The following NEBL variants were observed in gnomAD, a reference collection of about 807,000 sequenced individuals.
The protein encoded by NEBL is nebulette, also known as LIM and SH3 protein 2.
A neutral mutation model predicts 140.2 loss-of-function variants in NEBL; 122 were observed. That is an observed-to-expected ratio of 0.87 (90% CI 0.75 to 1.01). The LOEUF (loss-of-function observed/expected upper bound fraction) is 1.01. Ranked by LOEUF, NEBL falls within the 50% of genes least tolerant of loss-of-function variation. The probability of loss-of-function intolerance (pLI) is 0.00; values close to 1 mark genes in which losing one functional copy is unlikely to be tolerated. For missense variants in NEBL, 1,365 were observed against 1,231.3 expected (o/e 1.11, Z -1.62); for synonymous variants, 436 against 398.9 (o/e 1.09, Z -1.11).
chr10:21,134,498 C>A (rs923975756), intron 2 of NEBL, among the ~76,000 whole-genome samples: 8 of 152,150 alleles, frequency 5.3e-5, no homozygotes, highest in Non-Finnish European at 1.5e-5. Context: ...TTTTAGAAGA[C>A]ACTATTCAAT....
chr10:21,051,262 T>C (rs1290362921), intron 2 of NEBL, among the ~76,000 whole-genome samples: 1 of 152,190 alleles, frequency 6.6e-6, no homozygotes, highest in Non-Finnish European at 1.5e-5. Flanking sequence ...TCATTTGTAA[T>C]CCATGCTTTT....
chr10:20,901,641 C>G (rs1398190068), upstream of NEBL, among the ~76,000 whole-genome samples: 1 of 152,152 alleles, frequency 6.6e-6, no homozygotes, highest in African/African-American at 2.4e-5. Context: ...TTCAACATTT[C>G]TTATTATAAA....
At chr10:20,921,228 T>C (rs969917959) in intron 4 of NEBL, among the ~76,000 whole-genome samples, 22 of 152,038 alleles carry the variant, frequency 1.4e-4, no homozygotes, top group African/African-American at 5.1e-4. Context: ...TAAGGTGAAA[T>C]TGGAAAAATA....
At chr10:21,120,680 C>CAA (rs66476160) in intron 2 of NEBL, among the ~76,000 whole-genome samples, 984 of 71,064 alleles carry the variant, frequency 0.014, 13 homozygotes, top group East Asian at 0.029. Flanking sequence ...TTCATGACAG[C>CAA]AAAAAAAAAA....
upstream of NEBL, among the ~76,000 whole-genome samples, chr10:20,898,032 C>G (rs376942792): frequency 3.7e-4 from 57 of 152,266 alleles, 1 homozygote; most frequent in South Asian, 4.1e-3. Context: ...CAGTTCTACT[C>G]ATCATGTCAA....
At position 20,904,774 on chromosome 10, in the gene NEBL, C is replaced by T. The variant is rs534504893; in HGVS notation, c.357+56898G>A. Among the ~76,000 whole-genome samples the T allele has an allele frequency of 9.8e-5, 15 of 152,318 alleles. No individual in the cohort carries two copies. In the South Asian group the frequency reaches 2.9e-3, roughly 29 times the overall value. ...TAAATGCAATGACTTAATTACTTCT[C>T]ACATCTGGAAAAACTTGAATATGAG... is the stretch of plus-strand genomic sequence containing the variant. On this transcript the variant is annotated intron_variant, in intron 4 of 6. Transcript: ENST00000417816.
intron 4 of NEBL, among the ~76,000 whole-genome samples, chr10:20,902,893 T>A (rs1173284729): frequency 6.6e-6 from 1 of 152,224 alleles, no homozygotes; most frequent in Non-Finnish European, 1.5e-5. Context: ...GTGTCAGGAA[T>A]AATTGTGAAA....
At chr10:20,984,381 GTTGT>G (rs1282835450) in intron 3 of NEBL, among the ~76,000 whole-genome samples, 1 of 152,144 alleles carries the variant, frequency 6.6e-6, no homozygotes, top group Non-Finnish European at 1.5e-5. Flanking sequence ...GGAATGGAAT[GTTGT>G]TTATGTTTTT....
At chr10:20,976,617 C>G (rs1260431449) in intron 3 of NEBL, among the ~76,000 whole-genome samples, 2 of 152,156 alleles carry the variant, frequency 1.3e-5, no homozygotes, top group East Asian at 3.9e-4. Context: ...ATGCCCTTTG[C>G]AGCCACATGG....
intron 2 of NEBL, among the ~76,000 whole-genome samples, chr10:21,034,827 G>A (rs1833949322): frequency 6.6e-6 from 1 of 151,902 alleles, no homozygotes; most frequent in African/African-American, 2.4e-5. Context: ...TAAGTTCCAG[G>A]GTACATGTGC....
At chr10:21,194,959 T>C (rs1841626424) in intron 3 of NEBL, among the ~76,000 whole-genome samples, 1 of 152,068 alleles carries the variant, frequency 6.6e-6, no homozygotes, top group Non-Finnish European at 1.5e-5. Flanking sequence ...ATAAGGCACC[T>C]GTAGTGGGGA....
chr10:20,904,586 G>A (rs1035440012), intron 4 of NEBL, among the ~76,000 whole-genome samples: 1 of 152,090 alleles, frequency 6.6e-6, no homozygotes, highest in Non-Finnish European at 1.5e-5. Flanking sequence ...ATCAGCTTTT[G>A]GTTTTGTTTT....
chr10:21,051,177 A>G (rs1237833657), intron 2 of NEBL, among the ~76,000 whole-genome samples: 1 of 152,228 alleles, frequency 6.6e-6, no homozygotes, highest in African/African-American at 2.4e-5. Flanking sequence ...TGACCACATC[A>G]TACCCCTTAC....
intron 2 of NEBL, among the ~76,000 whole-genome samples, chr10:21,250,756 CA>C (rs989277156): frequency 6.6e-6 from 1 of 150,808 alleles, no homozygotes; most frequent in Admixed American, 6.6e-5. Context: ...ACTAAAAATA[CA>C]AAAAAAAATT....
rs998817571 is a variant in NEBL, at chr10:20,903,837, T to C, written c.357+57835A>G. Reference sequence around the variant, plus strand: ...TAAGCTACTGGTATGCAAAGGCACATAGAGTACTGTAACGGCCAATGGAGA... The same window carrying C: ...TAAGCTACTGGTATGCAAAGGCACACAGAGTACTGTAACGGCCAATGGAGA... On this transcript the variant is annotated intron_variant, in intron 4 of 6. Transcript: ENST00000417816. Among the ~76,000 whole-genome samples, 3 of 145,288 alleles carry C rather than the reference T, an allele frequency of 2.1e-5. No individual in the cohort carries two copies. The South Asian group carries it at 6.3e-4, about 31-fold the overall frequency.
At chr10:20,961,166 G>A (rs1334597831) in intron 4 of NEBL, among the ~76,000 whole-genome samples, 5 of 151,922 alleles carry the variant, frequency 3.3e-5, no homozygotes, top group Non-Finnish European at 5.9e-5. Context: ...TCTCTTTTGA[G>A]GAAACTATAT....
chr10:21,167,999 G>C (rs901547301), intron 2 of NEBL, among the ~76,000 whole-genome samples: 3 of 152,116 alleles, frequency 2.0e-5, no homozygotes, highest in Non-Finnish European at 2.9e-5. Flanking sequence ...GCTGCGTTAG[G>C]AGCAAAATGG....
At position 20,795,999 on chromosome 10, in the gene NEBL, A is replaced by G. The variant is rs1427137093; in HGVS notation, c.2762-8691T>C. Among the ~76,000 whole-genome samples, 3 of 152,206 alleles carry G rather than the reference A, an allele frequency of 2.0e-5. No homozygotes were observed. The East Asian group carries it at 5.8e-4, about 29-fold the overall frequency. ...GCAAAAGGAAACATACATACTTTGT[A>G]CTTTTTAAACTACATATGCAGACAT... On this transcript the variant is annotated intron_variant, in intron 26 of 27. Coordinates refer to ENST00000377122, the MANE Select transcript of NEBL (RefSeq NM_006393.3).
chr10:21,203,665 G>C (rs1841778792), intron 3 of NEBL, among the ~76,000 whole-genome samples: 1 of 152,204 alleles, frequency 6.6e-6, no homozygotes, highest in Non-Finnish European at 1.5e-5. Context: ...AATGCAACCT[G>C]TTTCTGTAAT....
Sources: gnomAD v4.1 joint callset for allele counts (sites outside exome capture counted in the v4.1 genomes callset) on GRCh38, gnomAD v4.1.1 for gene constraint, MANE v1.5 for transcripts, NCBI Gene and HGNC (gene_info 2026-07-23, HGNC 2026-07-21) for gene names.